Variants in PRKCB observed in about 807,000 individuals in gnomAD.
The protein encoded by PRKCB is protein kinase C beta, also known as protein kinase C beta type.
PRKCB carries 13 observed loss-of-function variants against 81.5 expected under a neutral mutation model. The observed-to-expected ratio is 0.16, with a 90% CI of 0.10 to 0.25. The LOEUF (loss-of-function observed/expected upper bound fraction) is 0.25, where lower values mean the gene tolerates loss of function less well. Ranked by LOEUF, PRKCB falls within the 10% of genes least tolerant of loss-of-function variation. The pLI is 1.00. For missense variants in PRKCB, 509 were observed against 875.7 expected, an observed-to-expected ratio of 0.58 and a Z score of 5.29; for synonymous variants, 335 against 321.4, an observed-to-expected ratio of 1.04 and a Z score of -0.45.
chr16:23,935,076 G>A (rs1312241290), intron 2 of PRKCB, among the ~76,000 whole-genome samples: 1 of 152,138 alleles, frequency 6.6e-6, no homozygotes, highest in African/African-American at 2.4e-5. Context: ...GAGCCACCCG[G>A]ATGATGGGCT....
intron 3 of PRKCB, among the ~76,000 whole-genome samples, chr16:24,030,535 G>A (rs79247025): frequency 0.023 from 3,424 of 152,110 alleles, 68 homozygotes; most frequent in Non-Finnish European, 0.039. Context: ...GTCTTATAAG[G>A]AGAGCACTAG....
chr16:24,134,753 G>A (rs1407538477), intron 9 of PRKCB, among the ~76,000 whole-genome samples: 7 of 143,814 alleles, frequency 4.9e-5, no homozygotes, highest in East Asian at 2.1e-4. Context: ...CGTCTCAAAG[G>A]AAAAAAAAAA....
intron 2 of PRKCB, among the ~76,000 whole-genome samples, chr16:23,844,285 A>T (rs1435249931): frequency 6.6e-6 from 1 of 152,234 alleles, no homozygotes; most frequent in Non-Finnish European, 1.5e-5. Context: ...ATAGAATGTT[A>T]GCCTTTTTAC....
chr16:23,973,252 G>C (rs1964581795), intron 2 of PRKCB, among the ~76,000 whole-genome samples: 1 of 152,060 alleles, frequency 6.6e-6, no homozygotes, highest in African/African-American at 2.4e-5. Flanking sequence ...CACAATCTTG[G>C]CTCACTGCAA....
At chr16:24,177,950 TTCTTG>T (rs1967560285) in intron 12 of PRKCB, among the ~76,000 whole-genome samples, 1 of 151,988 alleles carries the variant, frequency 6.6e-6, no homozygotes, top group East Asian at 1.9e-4. Context: ...GGAAATAGAG[TTCTTG>T]AAATTGATAG....
chr16:24,091,810 A>C (rs1596543748), intron 5 of PRKCB, among the ~76,000 whole-genome samples: 1 of 152,000 alleles, frequency 6.6e-6, no homozygotes, highest in Non-Finnish European at 1.5e-5. Context: ...ACAGGGTTTC[A>C]CCATGTTAGC....
chr16:24,162,031 C>CT (rs60150642), intron 10 of PRKCB, among the ~76,000 whole-genome samples: 53 of 147,710 alleles, frequency 3.6e-4, no homozygotes, highest in South Asian at 8.6e-4. Context: ...ATATGCACCT[C>CT]TTTTTTTTTT....
At chr16:24,021,711 C>G (rs1194841616) in intron 3 of PRKCB, among the ~76,000 whole-genome samples, 2 of 152,018 alleles carry the variant, frequency 1.3e-5, no homozygotes, top group African/African-American at 2.4e-5. Flanking sequence ...TCCTGGCTCT[C>G]CCATGTCCTT....
intron 7 of PRKCB, among the ~76,000 whole-genome samples, chr16:24,106,083 A>T (rs1966573716): frequency 6.9e-6 from 1 of 144,748 alleles, no homozygotes; most frequent in Non-Finnish European, 1.5e-5. Flanking sequence ...TAATAATCAC[A>T]TTTTGGTCTT....
intron 16 of PRKCB, among the ~76,000 whole-genome samples, chr16:24,212,053 T>C (rs1037378619): frequency 6.6e-6 from 1 of 152,174 alleles, no homozygotes; most frequent in Non-Finnish European, 1.5e-5. Flanking sequence ...CCTCCATTTC[T>C]CATCAGTATC....
intron 5 of PRKCB, among the ~76,000 whole-genome samples, chr16:24,084,459 G>A (rs1372385734): frequency 6.6e-6 from 1 of 152,120 alleles, no homozygotes; most frequent in Non-Finnish European, 1.5e-5. Flanking sequence ...AACACACTTT[G>A]TCAGTCTTGG....
intron 10 of PRKCB, among the ~76,000 whole-genome samples, chr16:24,157,067 A>G (rs998395294): frequency 6.6e-6 from 1 of 152,198 alleles, no homozygotes; most frequent in African/African-American, 2.4e-5. Flanking sequence ...ATTTGAGATT[A>G]TTCTTTTAAT....
chr16:23,838,518 G>A (rs2023671), intron 2 of PRKCB, among the ~76,000 whole-genome samples: 1 of 152,100 alleles, frequency 6.6e-6, no homozygotes, highest in Non-Finnish European at 1.5e-5. Context: ...GGTAAGAAAC[G>A]GCACATTTCT....
At chr16:24,151,391 T>C (rs961163343) in intron 9 of PRKCB, among the ~76,000 whole-genome samples, 1 of 152,242 alleles carries the variant, frequency 6.6e-6, no homozygotes, top group African/African-American at 2.4e-5. Context: ...AGTTTCCTTT[T>C]CAAATTTAGT....
At chr16:23,961,638 G>T (rs900820394) in intron 2 of PRKCB, among the ~76,000 whole-genome samples, 1 of 152,164 alleles carries the variant, frequency 6.6e-6, no homozygotes, top group East Asian at 1.9e-4. Flanking sequence ...CCACGGAGAT[G>T]TAATACAGGT....
chr16:24,042,142 G>A (rs187177930), intron 5 of PRKCB, among the ~76,000 whole-genome samples: 26 of 152,220 alleles, frequency 1.7e-4, no homozygotes, highest in Admixed American at 7.2e-4. Flanking sequence ...GTGTCATGGG[G>A]GTTTGTGTAA....
At chr16:23,983,479 T>A (rs888945779) in intron 2 of PRKCB, among the ~76,000 whole-genome samples, 2 of 152,184 alleles carry the variant, frequency 1.3e-5, no homozygotes, top group African/African-American at 4.8e-5. Flanking sequence ...GATTGACAAA[T>A]ATCCAGGCTG....
At position 23,994,178 on chromosome 16, in the gene PRKCB, T is replaced by G. The variant is rs570810953; in HGVS notation, c.288+5588T>G. The stretch of plus-strand genomic sequence containing the variant: ...TTTGGGGACTACTGAACACTAGTTC[T>G]GAACTGACACTGATTCTAGGAGACC... On this transcript the variant is annotated intron_variant, in intron 3 of 16. Coordinates refer to ENST00000643927, the MANE Select transcript of PRKCB (RefSeq NM_002738.7). Among the ~76,000 whole-genome samples, 5 of 152,338 alleles carry G rather than the reference T, an allele frequency of 3.3e-5. No homozygotes were observed. In the East Asian group the frequency reaches 9.6e-4, roughly 29 times the overall value.
At chr16:24,113,288 T>G (rs894941184) in intron 8 of PRKCB, among the ~76,000 whole-genome samples, 1 of 149,870 alleles carries the variant, frequency 6.7e-6, no homozygotes, top group Admixed American at 6.6e-5. Flanking sequence ...TGCTTTCTCT[T>G]GCTTGCTTTC....
Sources: gnomAD v4.1 joint callset for allele counts (sites outside exome capture counted in the v4.1 genomes callset) on GRCh38, gnomAD v4.1.1 for gene constraint, MANE v1.5 for transcripts, NCBI Gene and HGNC (gene_info 2026-07-23, HGNC 2026-07-21) for gene names.